The following MAGI1 variants were observed in gnomAD, a reference collection of about 807,000 sequenced individuals.
MAGI1 encodes membrane-associated guanylate kinase, WW and PDZ domain-containing protein 1.
In MAGI1, 58 loss-of-function variants were observed where a neutral mutation model predicts 139.9. That is an observed-to-expected ratio of 0.41 (90% CI 0.34 to 0.52). The LOEUF (loss-of-function observed/expected upper bound fraction) is 0.52. Ranked by LOEUF, MAGI1 falls within the 20% of genes least tolerant of loss-of-function variation. The pLI, the probability that MAGI1 is intolerant of heterozygous loss-of-function variation, is 0.12. For missense variants in MAGI1, 1,874 were observed against 1,901.6 expected, an observed-to-expected ratio of 0.99 and a Z score of 0.27; for synonymous variants, 812 against 737.9, an observed-to-expected ratio of 1.10 and a Z score of -1.63.
intron 1 of MAGI1, among the ~76,000 whole-genome samples, chr3:65,745,504 A>T (rs963613967): frequency 6.6e-6 from 1 of 152,224 alleles, no homozygotes; most frequent in Non-Finnish European, 1.5e-5. Flanking sequence ...ATTTTGCATG[A>T]ATTGGCAGGT....
chr3:65,878,142 G>A lies in MAGI1; in HGVS notation c.313+159854C>T, dbSNP rs552726238. 2.3e-3 allele frequency among the ~76,000 whole-genome samples: 342 copies of A among 151,956 alleles called. 4 individuals are homozygous for A. Among genetic ancestry groups the A allele is most frequent in the Non-Finnish European group, 3.2e-3 (220 of 67,942 alleles). On this transcript the variant is annotated intron_variant, in intron 1 of 22. Coordinates refer to ENST00000402939, the MANE Select transcript of MAGI1 (RefSeq NM_001033057.2). ...AAAAGGAAAAAAAACACAGGAACAC[G>A]GACATCACAAAACCACACTGGGCTT... is the stretch of plus-strand genomic sequence containing the variant.
At chr3:65,450,531 T>A (rs1474228326) in intron 6 of MAGI1, among the ~76,000 whole-genome samples, 2 of 152,138 alleles carry the variant, frequency 1.3e-5, no homozygotes, top group Non-Finnish European at 2.9e-5. Context: ...ACTTTGTATA[T>A]TACGTAATTT....
chr3:65,585,991 G>A (rs1396751038), intron 2 of MAGI1, among the ~76,000 whole-genome samples: 9 of 152,118 alleles, frequency 5.9e-5, no homozygotes, highest in Non-Finnish European at 8.8e-5. Flanking sequence ...GAGGATCAGC[G>A]GAGCCCAGGA....
intron 1 of MAGI1, among the ~76,000 whole-genome samples, chr3:65,999,481 A>AG (rs2066627001): frequency 1.3e-5 from 2 of 152,198 alleles, no homozygotes; most frequent in African/African-American, 2.4e-5. Flanking sequence ...CTCAAGTGTG[A>AG]GGGGAAAAAA....
Position 65,519,678 on chromosome 3 carries a change from C to G in MAGI1, c.431-26047G>C, listed in dbSNP as rs149904388. ...GAATTACAGGCATGAGCCACCTCAC[C>G]TGGCCCTGACTTAGATTTTAAAGAG... On this transcript the variant is annotated intron_variant, in intron 2 of 22. Transcript: ENST00000402939. 4.7e-4 allele frequency among the ~76,000 whole-genome samples: 71 copies of G among 152,340 alleles called. No homozygotes were observed. In the East Asian group the frequency reaches 0.011, roughly 24 times the overall value.
intron 1 of MAGI1, among the ~76,000 whole-genome samples, chr3:65,811,436 G>A (rs2041226874): frequency 6.6e-6 from 1 of 152,074 alleles, no homozygotes; most frequent in Non-Finnish European, 1.5e-5. Context: ...TCTCCATGGG[G>A]AGCCCCCAGG....
intron 2 of MAGI1, among the ~76,000 whole-genome samples, chr3:65,514,087 G>C (rs1366650339): frequency 1.4e-5 from 2 of 147,186 alleles, no homozygotes; most frequent in East Asian, 4.0e-4. Context: ...AATGGTGCTG[G>C]GAAAATTGGC....
intron 1 of MAGI1, among the ~76,000 whole-genome samples, chr3:65,856,234 G>C (rs1301561995): frequency 6.6e-6 from 1 of 152,078 alleles, no homozygotes. Flanking sequence ...ATCGCCCTCG[G>C]GTTGGGGAGA....
At chr3:65,876,536 C>T (rs1475179747) in intron 1 of MAGI1, among the ~76,000 whole-genome samples, 1 of 152,012 alleles carries the variant, frequency 6.6e-6, no homozygotes, top group East Asian at 1.9e-4. Context: ...TAGATAATAC[C>T]TAAAATTGAA....
At chr3:65,448,505 A>T (rs911111935) in intron 6 of MAGI1, among the ~76,000 whole-genome samples, 3 of 152,196 alleles carry the variant, frequency 2.0e-5, no homozygotes, top group African/African-American at 7.2e-5. Flanking sequence ...TACAAGTAAC[A>T]GTGCTGCTTG....
chr3:65,887,249 T>A (rs1004505452), intron 1 of MAGI1, among the ~76,000 whole-genome samples: 2 of 152,082 alleles, frequency 1.3e-5, no homozygotes, highest in African/African-American at 4.8e-5. Context: ...CAGAAGGAGA[T>A]AACAGGAAAA....
At chr3:65,417,907 T>C (rs1946346749) in intron 12 of MAGI1, among the ~76,000 whole-genome samples, 1 of 152,214 alleles carries the variant, frequency 6.6e-6, no homozygotes, top group African/African-American at 2.4e-5. Flanking sequence ...CCTTCCTATA[T>C]TTCAAAGCAC....
chr3:65,961,093 T>C (rs1328327050), intron 1 of MAGI1, among the ~76,000 whole-genome samples: 1 of 152,174 alleles, frequency 6.6e-6, no homozygotes, highest in Non-Finnish European at 1.5e-5. Flanking sequence ...ACCTTTGAAT[T>C]TCCATGACAC....
At chr3:65,531,879 A>AATGGTCCACTTCTCATTGT (rs1370690263) in intron 2 of MAGI1, among the ~76,000 whole-genome samples, 1 of 152,150 alleles carries the variant, frequency 6.6e-6, no homozygotes, top group Non-Finnish European at 1.5e-5. Context: ...AAGTGCTTCA[A>AATGGTCCACTTCTCATTGT]ATGGTCCACT....
intron 1 of MAGI1, among the ~76,000 whole-genome samples, chr3:65,876,151 A>G (rs964286305): frequency 1.3e-5 from 2 of 151,848 alleles, no homozygotes; most frequent in African/African-American, 4.8e-5. Flanking sequence ...AAAGCATTTT[A>G]TTCACGTCAT....
At chr3:65,802,816 T>TCTC (rs1464334752) in intron 1 of MAGI1, among the ~76,000 whole-genome samples, 1 of 150,738 alleles carries the variant, frequency 6.6e-6, no homozygotes, top group Non-Finnish European at 1.5e-5. Flanking sequence ...TTCAACACAC[T>TCTC]CTCCAAAACT....
At chr3:65,365,486 A>G (rs1320636448) in intron 18 of MAGI1, among the ~76,000 whole-genome samples, 1 of 152,208 alleles carries the variant, frequency 6.6e-6, no homozygotes, top group Non-Finnish European at 1.5e-5. Context: ...ATAAAGCACA[A>G]CTGAAAATAT....
chr3:65,701,658 T>C (rs1041046896), intron 1 of MAGI1, among the ~76,000 whole-genome samples: 5 of 152,096 alleles, frequency 3.3e-5, no homozygotes, highest in African/African-American at 4.8e-5. Context: ...ACTTTTATTA[T>C]AGGACTGAAA....
At chr3:65,423,052 G>C (rs1946744535) in intron 12 of MAGI1, among the ~76,000 whole-genome samples, 1 of 152,202 alleles carries the variant, frequency 6.6e-6, no homozygotes, top group South Asian at 2.1e-4. Context: ...GGCCAGGGAT[G>C]GGGTGAGATG....
Sources: allele counts gnomAD v4.1 joint callset (sites outside exome capture counted in the v4.1 genomes callset), GRCh38; gene constraint gnomAD v4.1.1; transcripts MANE v1.5; gene names NCBI Gene and HGNC (gene_info 2026-07-23, HGNC 2026-07-21).